Variants in RIMS2 observed in about 807,000 individuals in gnomAD.
The protein encoded by RIMS2 is regulating synaptic membrane exocytosis 2, also known as regulating synaptic membrane exocytosis protein 2.
In RIMS2, 59 loss-of-function variants were observed where a neutral mutation model predicts 174.4. The observed-to-expected ratio is 0.34, with a 90% CI of 0.27 to 0.42. RIMS2 has a LOEUF of 0.42. Among genes scored for constraint, RIMS2 ranks in the 10% least tolerant of loss-of-function variants. RIMS2 has a pLI of 1.00. For synonymous variants in RIMS2, 606 were observed against 572.5 expected, an observed-to-expected ratio of 1.06 and a Z score of -0.84; for missense variants, 1,620 against 1,666.3, an observed-to-expected ratio of 0.97 and a Z score of 0.48.
intron 14 of RIMS2, among the ~76,000 whole-genome samples, chr8:103,959,886 C>T (rs529609722): frequency 3.9e-5 from 6 of 152,128 alleles, no homozygotes; most frequent in African/African-American, 1.4e-4. Flanking sequence ...CACTAAATGC[C>T]CACAAGAGAA....
At chr8:103,950,626 G>A (rs2085127150) in intron 14 of RIMS2, among the ~76,000 whole-genome samples, 2 of 152,088 alleles carry the variant, frequency 1.3e-5, no homozygotes, top group African/African-American at 4.8e-5. Flanking sequence ...AGGATAGAAA[G>A]GAACTTCCTC....
intron 19 of RIMS2, among the ~76,000 whole-genome samples, chr8:104,132,612 G>A (rs1229107759): frequency 6.6e-6 from 1 of 152,126 alleles, no homozygotes; most frequent in African/African-American, 2.4e-5. Flanking sequence ...GATGGTAGGT[G>A]TTATAAAATT....
intron 3 of RIMS2, among the ~76,000 whole-genome samples, chr8:103,789,038 G>A (rs896579354): frequency 3.9e-5 from 6 of 152,130 alleles, no homozygotes; most frequent in Non-Finnish European, 5.9e-5. Flanking sequence ...GATTTTCCAG[G>A]TGCCGTCCGT....
intron 15 of RIMS2, among the ~76,000 whole-genome samples, chr8:103,973,936 C>A (rs2093172243): frequency 6.6e-6 from 1 of 152,160 alleles, no homozygotes; most frequent in African/African-American, 2.4e-5. Flanking sequence ...CAAATGGAAA[C>A]CACCTCATCC....
intron 3 of RIMS2, among the ~76,000 whole-genome samples, chr8:103,883,451 G>T (rs2099180261): frequency 6.6e-6 from 1 of 151,490 alleles, no homozygotes; most frequent in Admixed American, 6.6e-5. Context: ...AGAAACATAG[G>T]GTGTTGGGTA....
Position 103,793,988 on chromosome 8 carries a change from G to A in RIMS2, c.698+27451G>A, listed in dbSNP as rs187199109. 7.2e-5 allele frequency among the ~76,000 whole-genome samples: 11 copies of A among 152,174 alleles called. No individual in the cohort carries two copies. The East Asian group carries it at 1.3e-3, about 19-fold the overall frequency. ...CTCATGGATAGGAAGAATCAATATC[G>A]TGAAAATGGCCATACTGCCCAAGGT... is the stretch of plus-strand genomic sequence containing the variant. On this transcript the variant is annotated intron_variant, in intron 3 of 23. Transcript: ENST00000504942.
At chr8:103,654,238 C>T (rs2096494581) in intron 1 of RIMS2, among the ~76,000 whole-genome samples, 1 of 151,588 alleles carries the variant, frequency 6.6e-6, no homozygotes, top group African/African-American at 2.4e-5. Context: ...TTACCATGGC[C>T]ATTAAATAAA....
intron 19 of RIMS2, among the ~76,000 whole-genome samples, chr8:104,215,083 T>C (rs935536101): frequency 6.6e-6 from 1 of 152,190 alleles, no homozygotes; most frequent in African/African-American, 2.4e-5. Flanking sequence ...TCTTCATACA[T>C]AATAAAAAAT....
chr8:103,905,357 A>C (rs184303602), intron 4 of RIMS2, among the ~76,000 whole-genome samples: 51 of 152,182 alleles, frequency 3.4e-4, no homozygotes, highest in African/African-American at 1.2e-3. Flanking sequence ...ATTTCATCAT[A>C]TTTAGAATTC....
intron 19 of RIMS2, among the ~76,000 whole-genome samples, chr8:104,074,693 T>G (rs1004052359): frequency 1.3e-5 from 2 of 152,144 alleles, no homozygotes; most frequent in African/African-American, 4.8e-5. Context: ...ATGAAGATTT[T>G]TTTTAATTAA....
At chr8:103,512,518 A>G (rs1425375491) in intron 1 of RIMS2, among the ~76,000 whole-genome samples, 2 of 152,156 alleles carry the variant, frequency 1.3e-5, no homozygotes. Flanking sequence ...TGAGCAGCTG[A>G]AAAGGGAGGC....
intron 2 of RIMS2, among the ~76,000 whole-genome samples, chr8:103,747,872 A>G (rs1022523755): frequency 2.6e-5 from 4 of 152,162 alleles, no homozygotes; most frequent in African/African-American, 9.7e-5. Flanking sequence ...TTAGATATAA[A>G]TAAGGCTGTG....
At chr8:104,230,495 A>G (rs959614324) in intron 19 of RIMS2, among the ~76,000 whole-genome samples, 2 of 151,272 alleles carry the variant, frequency 1.3e-5, no homozygotes, top group Non-Finnish European at 2.9e-5. Flanking sequence ...AAAACACAAA[A>G]AGTAGCTGGG....
chr8:103,769,598 T>A (rs1203864567), intron 3 of RIMS2, among the ~76,000 whole-genome samples: 1 of 152,180 alleles, frequency 6.6e-6, no homozygotes, highest in East Asian at 1.9e-4. Flanking sequence ...AGTGTTGGGA[T>A]TACAGGCGTG....
At chr8:104,030,583 A>AT in intron 19 of RIMS2, among the ~76,000 whole-genome samples, 1 of 151,998 alleles carries the variant, frequency 6.6e-6, no homozygotes, top group East Asian at 1.9e-4. Flanking sequence ...TTTGTTTGTT[A>AT]TGCCCCAGCC....
At position 103,740,415 on chromosome 8, in the gene RIMS2, T is replaced by G. The variant is rs75052149; in HGVS notation, c.388-25812T>G. 6.1e-3 allele frequency among the ~76,000 whole-genome samples: 936 copies of G among 152,304 alleles called. 12 individuals are homozygous for G. Among genetic ancestry groups the G allele is most frequent in the African/African-American group, 0.021 (886 of 41,574 alleles). ...GCCTTAGTAGGCAACGCCTGGCTTA[T>G]AGGGCTTCTTGTAGAGGATGGCAAT... On this transcript the variant is annotated intron_variant, in intron 2 of 23. Coordinates refer to ENST00000504942, the Ensembl canonical transcript of RIMS2.
chr8:104,168,333 A>G (rs1413466739), intron 19 of RIMS2, among the ~76,000 whole-genome samples: 1 of 151,814 alleles, frequency 6.6e-6, no homozygotes, highest in Admixed American at 6.6e-5. Context: ...GTCATCTGTG[A>G]TTTTTCAGGA....
At chr8:103,668,197 G>C (rs958076412) in intron 1 of RIMS2, among the ~76,000 whole-genome samples, 2 of 152,148 alleles carry the variant, frequency 1.3e-5, no homozygotes, top group African/African-American at 4.8e-5. Flanking sequence ...AGATCTGATT[G>C]TTATCAATCT....
At chr8:103,644,698 AAAATG>A (rs1406130142) in intron 1 of RIMS2, among the ~76,000 whole-genome samples, 1 of 150,768 alleles carries the variant, frequency 6.6e-6, no homozygotes, top group African/African-American at 2.4e-5. Flanking sequence ...ACATAAATAT[AAAATG>A]TAAATATTTT....
Sources: allele counts gnomAD v4.1 joint callset (sites outside exome capture counted in the v4.1 genomes callset), GRCh38; gene constraint gnomAD v4.1.1; transcripts MANE v1.5; gene names NCBI Gene and HGNC (gene_info 2026-07-23, HGNC 2026-07-21).